The following PRPSAP2 variants were observed in gnomAD, a reference collection of about 807,000 sequenced individuals.
The protein encoded by PRPSAP2 is phosphoribosyl pyrophosphate synthetase associated protein 2, also known as phosphoribosyl pyrophosphate synthase-associated protein 2.
In PRPSAP2, 24 loss-of-function variants were observed where a neutral mutation model predicts 40.6. The ratio of observed to expected loss-of-function variants is 0.59; its 90% CI spans 0.43 to 0.83. PRPSAP2 has a LOEUF of 0.83. PRPSAP2 is among the 40% of genes least tolerant of loss of function. The pLI, the probability that PRPSAP2 is intolerant of heterozygous loss-of-function variation, is 0.00. For missense variants in PRPSAP2, 292 were observed against 465.6 expected (o/e 0.63, Z 3.43); for synonymous variants, 149 against 164.7 (o/e 0.90, Z 0.73).
At chr17:18,867,467 A>G (rs1229591273) in intron 4 of PRPSAP2, 133 bp downstream of exon 4, 11 of 1,053,236 alleles carry the variant, frequency 1.0e-5, no homozygotes, top group Admixed American at 9.5e-5. Context: ...CAGGCAGGCA[A>G]GGTAGAACAG....
chr17:18,893,879 T>C (rs1237765766), intron 8 of PRPSAP2, among the ~76,000 whole-genome samples: 1 of 152,202 alleles, frequency 6.6e-6, no homozygotes, highest in East Asian at 1.9e-4. Context: ...AGCTTTTTAA[T>C]TTTTTTGAGA....
At chr17:18,881,769 A>G (rs1046804834) in intron 6 of PRPSAP2, among the ~76,000 whole-genome samples, 7 of 151,146 alleles carry the variant, frequency 4.6e-5, no homozygotes, top group Non-Finnish European at 1.0e-4. Flanking sequence ...CCTGAGCTCA[A>G]GCAGTTTGTC....
At chr17:18,884,196 G>C (rs1481886237) in intron 7 of PRPSAP2, among the ~76,000 whole-genome samples, 1 of 152,142 alleles carries the variant, frequency 6.6e-6, no homozygotes, top group Non-Finnish European at 1.5e-5. Context: ...GAACCTGGGA[G>C]GTGGAGGTTA....
chr17:18,908,369 C>T (rs1027557438), intron 8 of PRPSAP2: 4 of 772,152 alleles, frequency 5.2e-6, no homozygotes, highest in Non-Finnish European at 7.2e-6. Context: ...AGTTTCTCTT[C>T]CTGAGCAAGA....
intron 7 of PRPSAP2, among the ~76,000 whole-genome samples, chr17:18,886,599 C>T (rs1184780816): frequency 6.6e-6 from 1 of 151,998 alleles, no homozygotes; most frequent in Non-Finnish European, 1.5e-5. Context: ...ACCTAATGAT[C>T]TGCCCGCCTC....
intron 8 of PRPSAP2, among the ~76,000 whole-genome samples, chr17:18,897,991 C>CTTTTTTTTTTTTTT (rs71155370): frequency 2.6e-5 from 3 of 116,348 alleles, no homozygotes; most frequent in Non-Finnish European, 3.5e-5. Flanking sequence ...AGAATTTTTG[C>CTTTTTTTTTTTTTT]TTTTTTTTTT....
intron 4 of PRPSAP2, among the ~76,000 whole-genome samples, chr17:18,868,518 C>G (rs1286979871): frequency 1.3e-5 from 2 of 151,374 alleles, no homozygotes; most frequent in African/African-American, 2.4e-5. Flanking sequence ...TTAGCAGGAG[C>G]GATGGACAGC....
chr17:18,885,915 G>A (rs1319098066), intron 7 of PRPSAP2, among the ~76,000 whole-genome samples: 6 of 151,940 alleles, frequency 3.9e-5, no homozygotes, highest in Admixed American at 3.9e-4. Context: ...TAGAGATAGG[G>A]TTTCACCGTG....
intron 6 of PRPSAP2, among the ~76,000 whole-genome samples, chr17:18,878,721 C>G (rs1055465411): frequency 2.6e-5 from 4 of 152,098 alleles, no homozygotes; most frequent in Non-Finnish European, 4.4e-5. Context: ...CCACGCCCGG[C>G]TAATTTTGTA....
At position 18,924,791 on chromosome 17, in the gene PRPSAP2, A is replaced by G. The variant is rs927254649; in HGVS notation, c.804+807A>G. ...CTCAAAAAAAAAAAAAAAAAAAGTC[A>G]TCCTGTCATAACATGAGATATTGTT... On this transcript the variant is annotated intron_variant, in intron 10 of 11. Transcript: ENST00000268835. Among the ~76,000 whole-genome samples, 3 of 146,560 alleles carry G rather than the reference A, an allele frequency of 2.0e-5. No homozygotes were observed. In the South Asian group the frequency reaches 6.5e-4, roughly 32 times the overall value.
intron 8 of PRPSAP2, among the ~76,000 whole-genome samples, chr17:18,897,453 G>GTGGTGGTGTTGTTGTTGTTGT (rs1555555754): frequency 2.0e-5 from 3 of 150,484 alleles, no homozygotes; most frequent in African/African-American, 7.4e-5. Flanking sequence ...CTCTATAGTG[G>GTGGTGGTGTTGTTGTTGTTGT]TGTTGTTGTT....
chr17:18,870,671 T>C (rs1034443703), intron 4 of PRPSAP2, among the ~76,000 whole-genome samples: 5 of 151,976 alleles, frequency 3.3e-5, no homozygotes, highest in African/African-American at 1.2e-4. Context: ...TAGCCAGGGT[T>C]GGTGGCACAC....
intron 4 of PRPSAP2, among the ~76,000 whole-genome samples, chr17:18,872,141 C>T (rs984186601): frequency 2.4e-4 from 36 of 151,972 alleles, no homozygotes; most frequent in Non-Finnish European, 4.9e-4. Flanking sequence ...GATGTGGTGG[C>T]GGGCGCCTGT....
intron 9 of PRPSAP2, among the ~76,000 whole-genome samples, chr17:18,921,966 A>T (rs2041710807): frequency 6.6e-6 from 1 of 152,170 alleles, no homozygotes; most frequent in African/African-American, 2.4e-5. Flanking sequence ...CCCTGCACCC[A>T]TTAAGTAGTT....
chr17:18,863,162 G>A (rs968609521), intron 1 of PRPSAP2, among the ~76,000 whole-genome samples: 3 of 151,848 alleles, frequency 2.0e-5, no homozygotes, highest in African/African-American at 4.8e-5. Flanking sequence ...AGACGAGGTC[G>A]CATTCCCATC....
chr17:18,920,846 T>C (rs914771619), intron 9 of PRPSAP2, among the ~76,000 whole-genome samples: 7 of 152,194 alleles, frequency 4.6e-5, no homozygotes, highest in African/African-American at 1.7e-4. Context: ...CCACTTTAAT[T>C]TGGTGAGCCT....
chr17:18,913,764 T>C (rs1597722531), intron 9 of PRPSAP2, among the ~76,000 whole-genome samples: 1 of 150,476 alleles, frequency 6.6e-6, no homozygotes, highest in Non-Finnish European at 1.5e-5. Context: ...CCCAGGCTGG[T>C]CTTGAACTCC....
Position 18,930,788 on chromosome 17 carries a change from G to A in PRPSAP2, c.*90G>A. On this transcript the variant is annotated 3_prime_UTR_variant, in exon 12 of 12. Transcript: ENST00000268835. ...GGATTTCACAGGAACCGTCATGCTT[G>A]TTCCTCCCTCTCCCCTGTAACCTCA... 8.3e-7 allele frequency: 1 copy of A among 1,212,092 alleles called. No homozygotes were observed. The highest frequency in any genetic ancestry group is 1.1e-6 in the Non-Finnish European group (1 of 888,130). The allele number at this position is 1,212,092 out of a possible 1,614,324, so 75.1% of individuals were successfully genotyped here. A position where few individuals can be genotyped will look rare whatever the true frequency, so the allele number is the denominator to read the frequency against.
intron 4 of PRPSAP2, among the ~76,000 whole-genome samples, chr17:18,869,426 C>G (rs1375842248): frequency 6.6e-6 from 1 of 151,454 alleles, no homozygotes; most frequent in Non-Finnish European, 1.5e-5. Context: ...CAGCCTCTGC[C>G]TCCTGGGCTC....
Sources: allele counts gnomAD v4.1 joint callset (sites outside exome capture counted in the v4.1 genomes callset), GRCh38; gene constraint gnomAD v4.1.1; transcripts MANE v1.5; gene names NCBI Gene and HGNC (gene_info 2026-07-23, HGNC 2026-07-21).